Variants in TLK1 observed in about 807,000 individuals in gnomAD.
TLK1 encodes the protein tousled like kinase 1.
A neutral mutation model predicts 105.3 loss-of-function variants in TLK1; 24 were observed. That is an observed-to-expected ratio of 0.23 (90% CI 0.17 to 0.32). TLK1 has a LOEUF of 0.32. Among genes scored for constraint, TLK1 ranks in the 10% least tolerant of loss-of-function variants. TLK1 has a pLI of 1.00. For synonymous variants in TLK1, 321 were observed against 310.4 expected, an observed-to-expected ratio of 1.03 and a Z score of -0.36; for missense variants, 558 against 910.5, an observed-to-expected ratio of 0.61 and a Z score of 4.98.
At chr2:171,067,632 CT>C (rs1188130523) in intron 3 of TLK1, among the ~76,000 whole-genome samples, 1 of 151,888 alleles carries the variant, frequency 6.6e-6, no homozygotes, top group Admixed American at 6.6e-5. Context: ...TATTATTATA[CT>C]TTAAGTTCTG....
chr2:171,145,498 G>A (rs1365076950), intron 1 of TLK1, among the ~76,000 whole-genome samples: 1 of 151,730 alleles, frequency 6.6e-6, no homozygotes, highest in Admixed American at 6.6e-5. Flanking sequence ...GCTGAGGCAG[G>A]AGAATCATTT....
At chr2:171,231,072 T>A (rs1178930841) in intron 1 of TLK1, 2 of 152,216 alleles carry the variant, frequency 1.3e-5, no homozygotes. Flanking sequence ...ACAGCAGCTC[T>A]AGGAAAGAAA....
intron 13 of TLK1, among the ~76,000 whole-genome samples, chr2:171,012,014 T>G (rs866855123): frequency 2.6e-5 from 4 of 152,194 alleles, no homozygotes; most frequent in Middle Eastern, 3.4e-3. Flanking sequence ...TTGCCATATA[T>G]AGGCTGAGTA....
chr2:171,211,336 A>G (rs1693608891), intron 1 of TLK1, among the ~76,000 whole-genome samples: 1 of 152,174 alleles, frequency 6.6e-6, no homozygotes, highest in Non-Finnish European at 1.5e-5. Context: ...GAATTATATC[A>G]AACCGTTTGT....
At chr2:171,116,416 A>C (rs1291360816) in intron 2 of TLK1, among the ~76,000 whole-genome samples, 2 of 152,152 alleles carry the variant, frequency 1.3e-5, no homozygotes, top group East Asian at 3.8e-4. Flanking sequence ...AATGCTCAAA[A>C]TAGGCCGACC....
At chr2:171,139,620 C>T (rs1378702980) in intron 1 of TLK1, among the ~76,000 whole-genome samples, 3 of 151,844 alleles carry the variant, frequency 2.0e-5, no homozygotes, top group African/African-American at 7.3e-5. Context: ...ACAACAACAA[C>T]AACAACAAAA....
chr2:171,161,842 G>A (rs183180072), upstream of TLK1, among the ~76,000 whole-genome samples: 67 of 148,814 alleles, frequency 4.5e-4, no homozygotes, highest in Middle Eastern at 0.017. Flanking sequence ...TCACACCAGG[G>A]ATTGGGCTTC....
chr2:171,146,615 T>A (rs1691801600), intron 1 of TLK1, among the ~76,000 whole-genome samples: 1 of 152,056 alleles, frequency 6.6e-6, no homozygotes, highest in Admixed American at 6.5e-5. Flanking sequence ...TCAAGAAAAA[T>A]TGGCTTTGGG....
intron 1 of TLK1, among the ~76,000 whole-genome samples, chr2:171,147,556 C>T (rs1186634283): frequency 1.3e-5 from 2 of 151,986 alleles, no homozygotes; most frequent in Non-Finnish European, 2.9e-5. Context: ...TTTTAACTAT[C>T]ACTATTATGT....
intron 3 of TLK1, 37 bp downstream of exon 3, chr2:171,082,738 GCTTTTA>G (rs1688807879): frequency 7.0e-7 from 1 of 1,431,322 alleles, no homozygotes; most frequent in Non-Finnish European, 9.7e-7. Context: ...GGTGATTCCA[GCTTTTA>G]CTTTAATAGC....
At chr2:171,124,163 T>C (rs1435006960) in intron 1 of TLK1, among the ~76,000 whole-genome samples, 1 of 152,246 alleles carries the variant, frequency 6.6e-6, no homozygotes, top group Non-Finnish European at 1.5e-5. Flanking sequence ...AGAAAATACG[T>C]CCACTCATAT....
chr2:171,155,563 A>T (rs528283360), intron 1 of TLK1: 6 of 152,332 alleles, frequency 3.9e-5, no homozygotes, highest in Non-Finnish European at 5.9e-5. Context: ...ATATTTAGGG[A>T]TTTTTAAAAA....
intron 19 of TLK1, 141 bp from the exon 20 acceptor site, chr2:170,996,901 AGAT>A (rs1248855655): frequency 1.4e-6 from 1 of 695,062 alleles, no homozygotes; most frequent in Non-Finnish European, 2.3e-6. Context: ...TTGAAACCTG[AGAT>A]GAATTCTCAT....
intron 7 of TLK1, 57 bp from the exon 8 acceptor site, chr2:171,053,910 A>AT: frequency 8.0e-7 from 1 of 1,255,316 alleles, no homozygotes; most frequent in Non-Finnish European, 1.1e-6. Flanking sequence ...TCAAGCAAAC[A>AT]TAAAACTAGA....
chr2:171,046,510 T>C (rs1335377359), intron 10 of TLK1, 148 bp from the exon 11 acceptor site: 19 of 825,952 alleles, frequency 2.3e-5, no homozygotes, highest in Non-Finnish European at 3.3e-5. Flanking sequence ...TTTGTACTTA[T>C]CCTTCAGGTC....
chr2:171,023,991 C>T (rs1055590278), intron 12 of TLK1, among the ~76,000 whole-genome samples: 17 of 152,166 alleles, frequency 1.1e-4, no homozygotes, highest in Admixed American at 9.8e-4. Context: ...CCCACGATTC[C>T]ACATGGGCAC....
At chr2:171,194,742 G>A (rs1216093865) in intron 1 of TLK1, among the ~76,000 whole-genome samples, 2 of 150,764 alleles carry the variant, frequency 1.3e-5, no homozygotes, top group African/African-American at 4.9e-5. Context: ...GCGTGAACCT[G>A]GGAGGCGGAG....
rs1404898310 is a variant in TLK1 at position 171,160,209 on chromosome 2, G to T, written c.139+81C>A. ...GGGTCTGGCGGAGAAGCCCCGGGGC[G>T]GGGGGGGCGGGGGGGGGGCGCGGGG... On this transcript the variant is annotated intron_variant, in intron 1 of 20. Coordinates refer to ENST00000431350, the MANE Select transcript of TLK1 (RefSeq NM_012290.5). This position sits in a 1 kb window ranked among gnomAD's most constrained non-coding sequence, Gnocchi z 4.4. The T allele has an allele frequency of 8.2e-7, 1 of 1,225,626 alleles. No individual in the cohort carries two copies. The highest frequency in any genetic ancestry group is 1.0e-6 in the Non-Finnish European group (1 of 970,058). 75.9% of individuals were successfully genotyped at this position (1,225,626 alleles called of 1,614,324 possible).
intron 2 of TLK1, among the ~76,000 whole-genome samples, chr2:171,103,948 T>C (rs1444417298): frequency 1.3e-5 from 2 of 152,174 alleles, no homozygotes; most frequent in Non-Finnish European, 2.9e-5. Flanking sequence ...CAGAAATTAG[T>C]AGCATTTCTA....
Sources: gnomAD v4.1 joint callset for allele counts (sites outside exome capture counted in the v4.1 genomes callset) on GRCh38, gnomAD v4.1.1 for gene constraint, Gnocchi (gnomAD v3.1) non-coding constraint, MANE v1.5 for transcripts, NCBI Gene and HGNC (gene_info 2026-07-23, HGNC 2026-07-21) for gene names.